Variants in CDH13 observed in about 807,000 individuals in gnomAD.
CDH13 encodes the protein cadherin 13, also known as cadherin-13.
In CDH13, 24 loss-of-function variants were observed where a neutral mutation model predicts 63.8. The observed-to-expected ratio is 0.38, with a 90% CI of 0.27 to 0.53. The LOEUF is 0.53. CDH13 is among the 20% of genes least tolerant of loss of function. The pLI, the probability that CDH13 is intolerant of heterozygous loss-of-function variation, is 0.85. For missense variants in CDH13, 1,049 were observed against 903.1 expected, an observed-to-expected ratio of 1.16 and a Z score of -2.07; for synonymous variants, 503 against 355.3, an observed-to-expected ratio of 1.42 and a Z score of -4.67.
At chr16:83,095,250 C>T (rs75826081) in intron 3 of CDH13, among the ~76,000 whole-genome samples, 2,599 of 152,308 alleles carry the variant, frequency 0.017, 75 homozygotes, top group African/African-American at 0.059. Flanking sequence ...CCAAAACACT[C>T]ACTGTTCCCA....
intron 2 of CDH13, among the ~76,000 whole-genome samples, chr16:82,900,725 A>G (rs919493550): frequency 6.6e-6 from 1 of 152,170 alleles, no homozygotes; most frequent in Non-Finnish European, 1.5e-5. Context: ...CGAGCCTGGG[A>G]GAGGCCAGTG....
intron 9 of CDH13, among the ~76,000 whole-genome samples, chr16:83,673,116 C>T (rs1279589583): frequency 6.6e-6 from 1 of 152,224 alleles, no homozygotes; most frequent in Non-Finnish European, 1.5e-5. Context: ...GAGTACATTA[C>T]AAACCTAGTC....
At chr16:82,842,147 T>TAA (rs1235114442) in intron 1 of CDH13, among the ~76,000 whole-genome samples, 1 of 21,438 alleles carries the variant, frequency 4.7e-5, no homozygotes, top group Non-Finnish European at 1.1e-4. Flanking sequence ...TACACATATA[T>TAA]ATATATATAT....
chr16:83,386,551 C>T (rs565333518), intron 6 of CDH13, among the ~76,000 whole-genome samples: 3 of 152,242 alleles, frequency 2.0e-5, no homozygotes, highest in East Asian at 1.9e-4. Context: ...CACCTATACC[C>T]GGATAGTATT....
rs1904313722 is a variant in CDH13 at position 83,800,410 on chromosome 16, A to C, written c.*5380A>C. On this transcript the variant is annotated 3_prime_UTR_variant, in exon 14 of 14. Coordinates refer to ENST00000567109, the MANE Select transcript of CDH13 (RefSeq NM_001257.5). ...AAATTTTATGTATCCCCCCAGATAA[A>C]AATTTTAAGAAATTTTAAATGCTTT... 1.3e-5 allele frequency: 2 copies of C among 152,198 alleles called. No homozygotes were observed. The highest frequency in any genetic ancestry group is 4.1e-4 in the South Asian group (2 of 4,824). The allele number at this position is 152,198 out of a possible 1,614,324, so 9.4% of individuals were successfully genotyped here. A position where few individuals can be genotyped will look rare whatever the true frequency, so the allele number is the denominator to read the frequency against.
intron 1 of CDH13, among the ~76,000 whole-genome samples, chr16:82,842,128 A>ATGTG (rs2039046754): frequency 2.1e-5 from 1 of 48,562 alleles, no homozygotes; most frequent in African/African-American, 6.9e-5. Flanking sequence ...ATATATATAT[A>ATGTG]TATATATATA....
intron 2 of CDH13, among the ~76,000 whole-genome samples, chr16:82,965,489 G>A (rs751279002): frequency 2.3e-4 from 35 of 152,092 alleles, no homozygotes; most frequent in Non-Finnish European, 4.7e-4. Flanking sequence ...AACTTATTTA[G>A]CATTTATAAT....
chr16:83,482,459 C>T (rs138295461), intron 6 of CDH13, among the ~76,000 whole-genome samples: 2 of 152,210 alleles, frequency 1.3e-5, no homozygotes, highest in African/African-American at 4.8e-5. Context: ...GAAGAGTCCT[C>T]TGGGGAAACC....
At chr16:83,376,811 A>G (rs1455379924) in intron 6 of CDH13, among the ~76,000 whole-genome samples, 1 of 152,142 alleles carries the variant, frequency 6.6e-6, no homozygotes, top group Admixed American at 6.5e-5. Flanking sequence ...GACCAATACA[A>G]TATGTAGAAG....
intron 4 of CDH13, among the ~76,000 whole-genome samples, chr16:83,160,165 G>C (rs147529310): frequency 4.7e-4 from 71 of 152,238 alleles, no homozygotes; most frequent in African/African-American, 1.6e-3. Flanking sequence ...AATTCTGTAG[G>C]AAAGCTACAT....
At chr16:83,009,731 C>T (rs796622603) in intron 2 of CDH13, among the ~76,000 whole-genome samples, 57 of 152,308 alleles carry the variant, frequency 3.7e-4, no homozygotes, top group African/African-American at 1.3e-3. Flanking sequence ...TGTAGCTGTA[C>T]AAGCATTTAG....
chr16:82,674,430 T>A (rs1031309215), intron 1 of CDH13, among the ~76,000 whole-genome samples: 2 of 152,240 alleles, frequency 1.3e-5, no homozygotes, highest in African/African-American at 4.8e-5. Flanking sequence ...GCATGAGAAG[T>A]GTTAGCAATC....
rs552845602 is a variant in CDH13, at chr16:83,009,284, C to G, written c.158-22726C>G. 4.6e-5 allele frequency among the ~76,000 whole-genome samples: 7 copies of G among 152,274 alleles called. No individual in the cohort carries two copies. In the East Asian group the frequency reaches 1.3e-3, roughly 29 times the overall value. ...CTTCTGGAGACAGTGACACAGAAAA[C>G]CAGTGCTCTTGATTTAAGCAGAGTG... On this transcript the variant is annotated intron_variant, in intron 2 of 13. Transcript: ENST00000567109.
chr16:83,775,637 C>T (rs754726694), intron 11 of CDH13, among the ~76,000 whole-genome samples: 8 of 151,926 alleles, frequency 5.3e-5, no homozygotes, highest in South Asian at 2.1e-4. Context: ...GAGAAAATTC[C>T]GGCCAGGAGT....
intron 1 of CDH13, among the ~76,000 whole-genome samples, chr16:82,663,231 G>A (rs1411636832): frequency 1.3e-5 from 2 of 152,130 alleles, no homozygotes; most frequent in African/African-American, 4.8e-5. Context: ...TTGTTGCCCT[G>A]GCTGGAGTGC....
chr16:83,550,109 C>T (rs986415080), intron 7 of CDH13, among the ~76,000 whole-genome samples: 1 of 152,236 alleles, frequency 6.6e-6, no homozygotes, highest in Non-Finnish European at 1.5e-5. Flanking sequence ...TCAAGATTCA[C>T]AACCTTAGAC....
intron 1 of CDH13, among the ~76,000 whole-genome samples, chr16:82,706,933 C>G (rs941707446): frequency 6.6e-6 from 1 of 152,214 alleles, no homozygotes; most frequent in Non-Finnish European, 1.5e-5. Flanking sequence ...GTTTAGCCCT[C>G]TCTTCTAGAG....
intron 8 of CDH13, among the ~76,000 whole-genome samples, chr16:83,644,416 C>T (rs536686399): frequency 1.4e-4 from 21 of 152,290 alleles, no homozygotes; most frequent in Non-Finnish European, 2.1e-4. Context: ...ATAAACATTA[C>T]AGCAATAAAA....
chr16:83,273,753 CA>C (rs1567555775), intron 5 of CDH13, among the ~76,000 whole-genome samples: 1 of 152,164 alleles, frequency 6.6e-6, no homozygotes, highest in African/African-American at 2.4e-5. Flanking sequence ...AGGGGCATTT[CA>C]ATACTACATA....
Sources: gnomAD v4.1 joint callset for allele counts (sites outside exome capture counted in the v4.1 genomes callset) on GRCh38, gnomAD v4.1.1 for gene constraint, MANE v1.5 for transcripts, NCBI Gene and HGNC (gene_info 2026-07-23, HGNC 2026-07-21) for gene names.